CNTNAP2: variants seen among roughly 807,000 people sequenced by gnomAD.
CNTNAP2 encodes contactin-associated protein-like 2.
CNTNAP2 carries 98 observed loss-of-function variants against 155.2 expected under a neutral mutation model. The ratio of observed to expected loss-of-function variants is 0.63; its 90% CI spans 0.54 to 0.75. CNTNAP2 has a LOEUF of 0.75. Among genes scored for constraint, CNTNAP2 ranks in the 30% least tolerant of loss-of-function variants. CNTNAP2 has a pLI of 0.00. For missense variants in CNTNAP2, 1,727 were observed against 1,688.1 expected, an observed-to-expected ratio of 1.02 and a Z score of -0.40; for synonymous variants, 651 against 631.2, an observed-to-expected ratio of 1.03 and a Z score of -0.47.
chr7:147,676,997 T>C (rs890779364), intron 13 of CNTNAP2, among the ~76,000 whole-genome samples: 2 of 151,936 alleles, frequency 1.3e-5, no homozygotes, highest in African/African-American at 4.8e-5. Flanking sequence ...CTCTTTGACA[T>C]ACAGATTTCA....
At chr7:146,303,387 C>G (rs765230028) in intron 1 of CNTNAP2, among the ~76,000 whole-genome samples, 2 of 110,782 alleles carry the variant, frequency 1.8e-5, no homozygotes, top group Admixed American at 8.8e-5. Flanking sequence ...AAATACAAAA[C>G]AGAAGTTTTT....
At chr7:146,858,188 C>T (rs1795030246) in intron 3 of CNTNAP2, among the ~76,000 whole-genome samples, 1 of 152,174 alleles carries the variant, frequency 6.6e-6, no homozygotes, top group African/African-American at 2.4e-5. Flanking sequence ...AAGGTTTTCT[C>T]TTGCCAGAGG....
At chr7:147,243,657 A>G (rs1487101452) in intron 8 of CNTNAP2, among the ~76,000 whole-genome samples, 1 of 152,202 alleles carries the variant, frequency 6.6e-6, no homozygotes, top group African/African-American at 2.4e-5. Flanking sequence ...TTGCTTAACA[A>G]TGCAAAATTT....
chr7:147,067,136 C>T (rs1799795681), intron 4 of CNTNAP2, among the ~76,000 whole-genome samples: 1 of 151,984 alleles, frequency 6.6e-6, no homozygotes, highest in South Asian at 2.1e-4. Context: ...ACTAAAAATA[C>T]AAAAATTAGC....
chr7:147,711,432 C>G (rs1461966363), intron 13 of CNTNAP2, among the ~76,000 whole-genome samples: 1 of 152,136 alleles, frequency 6.6e-6, no homozygotes, highest in East Asian at 1.9e-4. Flanking sequence ...TCGAAGCTCC[C>G]AATGTACGAA....
intron 3 of CNTNAP2, among the ~76,000 whole-genome samples, chr7:146,906,648 C>A (rs1381874443): frequency 6.6e-6 from 1 of 152,094 alleles, no homozygotes; most frequent in Non-Finnish European, 1.5e-5. Context: ...GAAAACCCAT[C>A]TGTACATCAC....
chr7:146,834,156 T>G (rs1458088983), intron 2 of CNTNAP2, among the ~76,000 whole-genome samples: 1 of 152,182 alleles, frequency 6.6e-6, no homozygotes, highest in African/African-American at 2.4e-5. Context: ...AACCACCAAC[T>G]TGAGTGCCGC....
At chr7:146,752,045 T>C (rs1801914058) in intron 1 of CNTNAP2, among the ~76,000 whole-genome samples, 1 of 152,162 alleles carries the variant, frequency 6.6e-6, no homozygotes, top group South Asian at 2.1e-4. Flanking sequence ...TTTCTGTTGG[T>C]TCCAGGTCTT....
At chr7:148,288,944 CAAAAAAAAAAAAA>C (rs58641348) in intron 21 of CNTNAP2, among the ~76,000 whole-genome samples, 1 of 101,758 alleles carries the variant, frequency 9.8e-6, no homozygotes, top group Non-Finnish European at 1.9e-5. Context: ...TCTTATTCAG[CAAAAAAAAAAAAA>C]AAAAAAAAAA....
In CNTNAP2 at chr7:147,681,823, A is replaced by G. The variant is rs543437741; in HGVS notation, c.2098+42517A>G. 2.6e-5 allele frequency among the ~76,000 whole-genome samples: 4 copies of G among 151,944 alleles called. No homozygotes were observed. In the East Asian group the frequency reaches 7.7e-4, roughly 29 times the overall value. ...AGAGAGAGAGAGAGAGACTACATTC[A>G]TGTAAATTTTATTACAGAAAACATG... On this transcript the variant is annotated intron_variant, in intron 13 of 23. Coordinates refer to ENST00000361727, the MANE Select transcript of CNTNAP2 (RefSeq NM_014141.6).
intron 1 of CNTNAP2, among the ~76,000 whole-genome samples, chr7:146,442,515 C>T (rs1221897926): frequency 2.0e-5 from 3 of 151,984 alleles, no homozygotes; most frequent in African/African-American, 7.2e-5. Context: ...CTTAATCTTA[C>T]AGGTCTTTTT....
intron 3 of CNTNAP2, among the ~76,000 whole-genome samples, chr7:147,002,588 A>G (rs545915788): frequency 1.2e-4 from 18 of 152,166 alleles, no homozygotes; most frequent in African/African-American, 4.1e-4. Flanking sequence ...ATTTCCATCC[A>G]TTTGGGCTGC....
At chr7:147,691,814 C>A (rs1413483835) in intron 13 of CNTNAP2, among the ~76,000 whole-genome samples, 1 of 152,096 alleles carries the variant, frequency 6.6e-6, no homozygotes, top group African/African-American at 2.4e-5. Context: ...TATCAACATC[C>A]CACACCAGAG....
chr7:147,030,731 T>C (rs1799014795), intron 3 of CNTNAP2, among the ~76,000 whole-genome samples: 1 of 152,102 alleles, frequency 6.6e-6, no homozygotes, highest in Non-Finnish European at 1.5e-5. Flanking sequence ...TTAGAAGTTA[T>C]ATTAAGGCCA....
At chr7:146,962,883 A>C (rs1241363083) in intron 3 of CNTNAP2, 1 of 152,212 alleles carries the variant, frequency 6.6e-6, no homozygotes, top group African/African-American at 2.4e-5. Context: ...GGACATCTGA[A>C]AGATAATTGA....
intron 19 of CNTNAP2, among the ~76,000 whole-genome samples, chr7:148,219,324 A>G (rs758409843): frequency 1.3e-5 from 2 of 152,140 alleles, no homozygotes; most frequent in Non-Finnish European, 2.9e-5. Flanking sequence ...GGAGCCGAAA[A>G]TATGGAGACT....
At chr7:146,160,916 C>G (rs113036623) in intron 1 of CNTNAP2, among the ~76,000 whole-genome samples, 1 of 152,288 alleles carries the variant, frequency 6.6e-6, no homozygotes, top group African/African-American at 2.4e-5. Flanking sequence ...GAATTTTAGA[C>G]CAATATCTCT....
At chr7:147,815,775 G>A (rs1002802862) in intron 13 of CNTNAP2, among the ~76,000 whole-genome samples, 5 of 152,074 alleles carry the variant, frequency 3.3e-5, no homozygotes, top group African/African-American at 7.2e-5. Context: ...GTTCTTCAAG[G>A]GTTCAATCCA....
At chr7:147,475,461 G>GT (rs199578442) in intron 10 of CNTNAP2, among the ~76,000 whole-genome samples, 137 of 150,134 alleles carry the variant, frequency 9.1e-4, no homozygotes, top group Middle Eastern at 3.4e-3. Context: ...AAAGTTATGT[G>GT]TTTTTTTTTC....
Sources: gnomAD v4.1 joint callset for allele counts (sites outside exome capture counted in the v4.1 genomes callset) on GRCh38, gnomAD v4.1.1 for gene constraint, MANE v1.5 for transcripts, NCBI Gene and HGNC (gene_info 2026-07-23, HGNC 2026-07-21) for gene names.